Variants in SLC25A48 observed in about 807,000 individuals in gnomAD.
SLC25A48 encodes CTC-321K16.1.
In SLC25A48, 29 loss-of-function variants were observed where a neutral mutation model predicts 32.2. The observed-to-expected ratio is 0.90, with a 90% CI of 0.67 to 1.23. SLC25A48 has a LOEUF of 1.23. Ranked by LOEUF, SLC25A48 falls within the 50% of genes most tolerant of loss-of-function variation. The pLI, the probability that SLC25A48 is intolerant of heterozygous loss-of-function variation, is 0.00. For synonymous variants in SLC25A48, 164 were observed against 172.3 expected, an observed-to-expected ratio of 0.95 and a Z score of 0.38; for missense variants, 399 against 422.7, an observed-to-expected ratio of 0.94 and a Z score of 0.49.
intron 1 of SLC25A48, among the ~76,000 whole-genome samples, chr5:135,609,921 A>G (rs557867070): frequency 1.1e-4 from 17 of 152,362 alleles, no homozygotes; most frequent in African/African-American, 4.1e-4. Flanking sequence ...TTTTAATTGC[A>G]CATCTATTTT....
chr5:135,825,451 C>T (rs1758013721), intron 4 of SLC25A48, among the ~76,000 whole-genome samples: 2 of 152,128 alleles, frequency 1.3e-5, no homozygotes, highest in African/African-American at 2.4e-5. Context: ...GGGTTTTAAT[C>T]CCAGACACAC....
intron 3 of SLC25A48, among the ~76,000 whole-genome samples, chr5:135,669,587 G>A (rs1400161186): frequency 6.6e-6 from 1 of 152,106 alleles, no homozygotes. Context: ...AAGCAGCTGG[G>A]GATTTTATCA....
intron 3 of SLC25A48, among the ~76,000 whole-genome samples, chr5:135,748,722 A>ATTTT (rs1160434929): frequency 0.022 from 2,939 of 135,014 alleles, 61 homozygotes; most frequent in Non-Finnish European, 0.032. Context: ...AGACAGGTAA[A>ATTTT]TTTTTTTTTT....
intron 3 of SLC25A48, among the ~76,000 whole-genome samples, chr5:135,800,556 A>G (rs75549740): frequency 0.034 from 5,176 of 151,580 alleles, 104 homozygotes; most frequent in African/African-American, 0.049. Context: ...CTATATCCAG[A>G]GGAAGAGGGA....
At chr5:135,838,306 T>C (rs558475438) in intron 1 of SLC25A48, among the ~76,000 whole-genome samples, 10 of 152,234 alleles carry the variant, frequency 6.6e-5, no homozygotes, top group Non-Finnish European at 1.3e-4. Flanking sequence ...GTTTTATGTA[T>C]TCACAAAGAT....
chr5:135,715,858 G>A (rs182227871), intron 3 of SLC25A48, among the ~76,000 whole-genome samples: 14 of 152,288 alleles, frequency 9.2e-5, no homozygotes, highest in Admixed American at 2.0e-4. Context: ...CTTGACCAAG[G>A]TGTGGCTTTC....
At chr5:135,770,194 G>A (rs1480214249) in intron 3 of SLC25A48, among the ~76,000 whole-genome samples, 1 of 151,658 alleles carries the variant, frequency 6.6e-6, no homozygotes, top group Admixed American at 6.6e-5. Flanking sequence ...TCCCAATATC[G>A]CAGGGGGTGT....
intron 1 of SLC25A48, among the ~76,000 whole-genome samples, chr5:135,624,852 C>T (rs982290307): frequency 2.6e-5 from 4 of 152,182 alleles, no homozygotes; most frequent in African/African-American, 4.8e-5. Context: ...CCAACAGATC[C>T]GATTTGTGGA....
intron 3 of SLC25A48, among the ~76,000 whole-genome samples, chr5:135,728,855 C>G (rs1379066760): frequency 1.8e-5 from 1 of 55,296 alleles, no homozygotes; most frequent in African/African-American, 3.7e-5. Context: ...CACACACACA[C>G]ACACACACAC....
chr5:135,673,004 C>T (rs887100047), intron 3 of SLC25A48, among the ~76,000 whole-genome samples: 4 of 152,130 alleles, frequency 2.6e-5, no homozygotes, highest in African/African-American at 9.7e-5. Context: ...ATTTATCTGG[C>T]TTCTTTCAGC....
intron 3 of SLC25A48, among the ~76,000 whole-genome samples, chr5:135,697,604 G>A (rs1367912037): frequency 6.6e-6 from 1 of 152,144 alleles, no homozygotes; most frequent in East Asian, 1.9e-4. Flanking sequence ...CTCATCCCCT[G>A]TGCCAGTGCC....
chr5:135,611,497 A>T, intron 1 of SLC25A48, among the ~76,000 whole-genome samples: 1 of 64,894 alleles, frequency 1.5e-5, no homozygotes, highest in African/African-American at 8.6e-5. Flanking sequence ...ACTCCATCTC[A>T]AAAAAAAAAA....
At chr5:135,609,072 C>T (rs1258816108) in intron 1 of SLC25A48, among the ~76,000 whole-genome samples, 1 of 152,204 alleles carries the variant, frequency 6.6e-6, no homozygotes, top group Non-Finnish European at 1.5e-5. Flanking sequence ...GTCTTAAAGT[C>T]CTAATGTCCG....
intron 3 of SLC25A48, among the ~76,000 whole-genome samples, chr5:135,663,207 C>T (rs1026840693): frequency 6.6e-6 from 1 of 152,188 alleles, no homozygotes; most frequent in Non-Finnish European, 1.5e-5. Context: ...TCTGAGTTCC[C>T]TACATGTATC....
At chr5:135,766,906 C>T (rs1327936304) in intron 3 of SLC25A48, among the ~76,000 whole-genome samples, 2 of 151,636 alleles carry the variant, frequency 1.3e-5, no homozygotes, top group East Asian at 1.9e-4. Flanking sequence ...TGTACACTCT[C>T]CTATGATGTG....
chr5:135,885,359 A>G (rs1177140479), intron 7 of SLC25A48, among the ~76,000 whole-genome samples: 1 of 151,816 alleles, frequency 6.6e-6, no homozygotes, highest in Non-Finnish European at 1.5e-5. Context: ...TGTGCCCAAC[A>G]CCCTCCAGGC....
chr5:135,814,144 T>A (rs1011355470), intron 4 of SLC25A48, among the ~76,000 whole-genome samples: 4 of 152,224 alleles, frequency 2.6e-5, no homozygotes, highest in Admixed American at 2.0e-4. Context: ...GACTTCTCAC[T>A]GAGCTGAGGG....
intron 3 of SLC25A48, among the ~76,000 whole-genome samples, chr5:135,728,164 G>A (rs776602212): frequency 4.6e-5 from 7 of 151,574 alleles, no homozygotes; most frequent in African/African-American, 7.3e-5. Flanking sequence ...GCTGAGGCAC[G>A]AGAATAAGTG....
chr5:135,854,753 T>C (rs928256106), intron 4 of SLC25A48, among the ~76,000 whole-genome samples: 5 of 152,274 alleles, frequency 3.3e-5, no homozygotes, highest in African/African-American at 1.2e-4. Flanking sequence ...TTTAATTTTC[T>C]TCAAGCATTT....
Sources: allele counts gnomAD v4.1 joint callset (sites outside exome capture counted in the v4.1 genomes callset), GRCh38; gene constraint gnomAD v4.1.1; transcripts MANE v1.5; gene names NCBI Gene and HGNC (gene_info 2026-07-23, HGNC 2026-07-21).